The following APAF1 variants were observed in gnomAD, a reference collection of about 807,000 sequenced individuals.
APAF1 encodes the protein apoptotic peptidase activating factor 1.
In APAF1, 91 loss-of-function variants were observed where a neutral mutation model predicts 152.4. That is an observed-to-expected ratio of 0.60 (90% confidence interval 0.50 to 0.71). The LOEUF (loss-of-function observed/expected upper bound fraction) is 0.71. APAF1 is among the 30% of genes least tolerant of loss of function. APAF1 has a pLI of 0.00. For synonymous variants in APAF1, 484 were observed against 494.1 expected, an observed-to-expected ratio of 0.98 and a Z score of 0.27; for missense variants, 1,283 against 1,472.0, an observed-to-expected ratio of 0.87 and a Z score of 2.10.
intron 22 of APAF1, 55 bp downstream of exon 22, chr12:98,715,607 A>T (rs1288822889): frequency 1.3e-6 from 2 of 1,598,742 alleles, no homozygotes; most frequent in Non-Finnish European, 1.7e-6. Flanking sequence ...GCAAAGGAAC[A>T]CTATGATTAT....
At chr12:98,665,274 A>T (rs796867355) in intron 7 of APAF1, among the ~76,000 whole-genome samples, 96 of 107,512 alleles carry the variant, frequency 8.9e-4, no homozygotes, top group African/African-American at 3.1e-3. Context: ...ATATATATAT[A>T]TATATTTTTT....
In APAF1 at chr12:98,715,676, A is replaced by G. The variant is rs934572723; in HGVS notation, c.3084+124A>G. 2.4e-5 allele frequency: 27 copies of G among 1,124,712 alleles called. No individual in the cohort carries two copies. In the African/African-American group the frequency reaches 3.4e-4, roughly 14 times the overall value. The allele number at this position is 1,124,712 out of a possible 1,614,324, so 69.7% of individuals were successfully genotyped here. ...CGTTGGGCATACATTCAGATTATGT[A>G]CATGGGCTTAGATGAAACCTATGGG... On this transcript the variant is annotated intron_variant, in intron 22 of 26. Transcript: ENST00000551964.
chr12:98,702,471 A>T (rs901838967), intron 17 of APAF1, among the ~76,000 whole-genome samples: 1 of 152,176 alleles, frequency 6.6e-6, no homozygotes, highest in Non-Finnish European at 1.5e-5. Context: ...GTAAATAAAA[A>T]TCATCTTATT....
intron 4 of APAF1, among the ~76,000 whole-genome samples, chr12:98,650,179 C>G (rs2097647152): frequency 6.6e-6 from 1 of 152,136 alleles, no homozygotes; most frequent in African/African-American, 2.4e-5. Flanking sequence ...AAAGACAGTT[C>G]CCAACTTCTA....
chr12:98,662,801 G>A lies in APAF1; in HGVS notation c.950G>A (p.Cys317Tyr). The change falls in exon 7 of 27, where the codon TGT (cysteine) becomes TAT (tyrosine). Residue 317 changes from cysteine (C) to tyrosine (Y), a missense_variant. Coordinates refer to ENST00000551964, the MANE Select transcript of APAF1 (RefSeq NM_181861.2). ...PEQAHSIIKE[C>Y]KGSPLVVSLI... is the part of the protein sequence containing the mutation. ...CAAGCTCATAGTATTATAAAAGAAT[G>A]TAAAGGTATGGTTATTTATTTGTTT... 1 of 1,608,464 alleles carries A rather than the reference G, an allele frequency of 6.2e-7. No homozygotes were observed. Among genetic ancestry groups the A allele is most frequent in the Non-Finnish European group, 8.5e-7 (1 of 1,176,782 alleles).
At chr12:98,683,411 CAAA>C in intron 15 of APAF1, 137 bp downstream of exon 15, 1 of 738,432 alleles carries the variant, frequency 1.4e-6, no homozygotes, top group Non-Finnish European at 2.1e-6. Context: ...TTAGCTGAAG[CAAA>C]AAAAAAATAG....
intron 19 of APAF1, among the ~76,000 whole-genome samples, chr12:98,706,984 T>G (rs756690038): frequency 7.2e-5 from 11 of 152,194 alleles, no homozygotes; most frequent in Non-Finnish European, 1.5e-4. Context: ...ATCTCTACCT[T>G]TCCATTTCTG....
chr12:98,701,670 A>G (rs75126458), intron 17 of APAF1, among the ~76,000 whole-genome samples: 3,287 of 152,316 alleles, frequency 0.022, 55 homozygotes, highest in East Asian at 0.087. Context: ...ATAATTTTAT[A>G]TTGCATGAAA....
chr12:98,690,412 C>T (rs1424014155), intron 16 of APAF1, among the ~76,000 whole-genome samples: 3 of 152,130 alleles, frequency 2.0e-5, no homozygotes, highest in Non-Finnish European at 4.4e-5. Flanking sequence ...TCAGAATACC[C>T]GTGGATGGAT....
In APAF1 at chr12:98,666,332, C is replaced by G; in HGVS notation, c.1337C>G (p.Thr446Arg). 6.2e-7 allele frequency: 1 copy of G among 1,613,040 alleles called. No homozygotes were observed. Among genetic ancestry groups the G allele is most frequent in the Non-Finnish European group, 8.5e-7 (1 of 1,179,744 alleles). ...CATGATCTTCAAGTAGATTTTCTTA[C>G]AGAGAAGAATTGCAGCCAGCTTCAG... ...YLHDLQVDFLTEKNCSQLQDL... is the reference protein window; with the variant it reads ...YLHDLQVDFLREKNCSQLQDL... Residue 446 changes from threonine to arginine, a missense_variant, in exon 9 of 27, where the codon ACA (threonine) becomes AGA (arginine). Transcript: ENST00000551964.
Position 98,735,145 on chromosome 12 carries a change from G to A in APAF1, c.*2579G>A. 2.5e-6 allele frequency: 1 copy of A among 398,782 alleles called. No homozygotes were observed. Among genetic ancestry groups the A allele is most frequent in the Non-Finnish European group, 4.4e-6 (1 of 226,178 alleles). 24.7% of individuals were successfully genotyped at this position (398,782 alleles called of 1,614,324 possible). A position where few individuals can be genotyped will look rare whatever the true frequency, so the allele number is the denominator to read the frequency against. ...AAGAAGAGATACCTAGTATGATGGA[G>A]CTGCAAATTTCATGGCAGTTCATGC... is the stretch of plus-strand genomic sequence containing the variant. On this transcript the variant is annotated 3_prime_UTR_variant, in exon 27 of 27. Transcript: ENST00000551964.
At chr12:98,676,764 A>G (rs1336596772) in intron 12 of APAF1, among the ~76,000 whole-genome samples, 1 of 151,234 alleles carries the variant, frequency 6.6e-6, no homozygotes, top group Non-Finnish European at 1.5e-5. Flanking sequence ...CTCCTGCCTC[A>G]GCCTCCCAAG....
Position 98,723,745 on chromosome 12 carries a change from C to T in APAF1, c.3311C>T (p.Ser1104Phe). ...SHDATKFSST[S>F]ADKTAKIWSF... is the part of the protein sequence containing the mutation. ...GATGCTACCAAGTTTTCATCTACCT[C>T]TGCTGACAAGACTGCAAAGGTAGGT... is the stretch of plus-strand genomic sequence containing the variant. Residue 1104 changes from serine (S) to phenylalanine (F), a missense_variant, in exon 24 of 27, where the codon TCT (serine) becomes TTT (phenylalanine). Ser to Phe is a radical substitution (Grantham distance 155). Transcript: ENST00000551964. 4 of 1,613,734 alleles carry T rather than the reference C, an allele frequency of 2.5e-6. No individual in the cohort carries two copies. Among genetic ancestry groups the T allele is most frequent in the Non-Finnish European group, 3.4e-6 (4 of 1,179,866 alleles).
In APAF1 at chr12:98,673,442, CA is replaced by C. The variant is rs1162049645; in HGVS notation, c.1793+1737del. 4.9e-3 allele frequency among the ~76,000 whole-genome samples: 435 copies of C among 89,184 alleles called. 3 individuals carry two copies. The highest frequency in any genetic ancestry group is 0.014 in the African/African-American group (332 of 23,788). The allele number at this position is 89,184 out of a possible 152,430, so 58.5% of individuals were successfully genotyped here. A position where few individuals can be genotyped will look rare whatever the true frequency, so the allele number is the denominator to read the frequency against. ...CAAAGTGAAGCTCTGTCTCAAAAAA[CA>C]AAAAAAAAAAAAACAAAAAAAAAAC... On this transcript the variant is annotated intron_variant, in intron 12 of 26. Transcript: ENST00000551964.
Position 98,725,546 on chromosome 12 carries a change from CT to C in APAF1, c.3456+7del. 6.2e-7 allele frequency: 1 copy of C among 1,614,058 alleles called. No homozygotes were observed. The highest frequency in any genetic ancestry group is 8.5e-7 in the Non-Finnish European group (1 of 1,179,956). On this transcript the variant is annotated splice_region_variant and intron_variant, in intron 25 of 26. Transcript: ENST00000551964. ...ATGACAATGGAGAAATCAGGGTAGG[CT>C]GTTTGCTGACATGAGAGCACTGCTC...
chr12:98,701,836 C>A (rs954416840), intron 17 of APAF1, among the ~76,000 whole-genome samples: 18 of 152,302 alleles, frequency 1.2e-4, no homozygotes, highest in African/African-American at 4.1e-4. Context: ...CTATGTGAGT[C>A]TACTCCTATT....
rs530653497 is a variant in APAF1 at position 98,674,408 on chromosome 12, C to T, written c.1793+2689C>T. On this transcript the variant is annotated intron_variant, in intron 12 of 26. Transcript: ENST00000551964. ...CTACCTTCCCACTTTCCAGAGTTGA[C>T]CATTCCTTAATACTTTCTTGTGAAG... is the stretch of plus-strand genomic sequence containing the variant. Among the ~76,000 whole-genome samples the T allele has an allele frequency of 9.9e-5, 15 of 152,188 alleles. No individual in the cohort carries two copies. In the East Asian group the frequency reaches 2.9e-3, roughly 29 times the overall value.
chr12:98,649,496 T>A lies in APAF1; in HGVS notation c.338T>A (p.Val113Asp). ...TTGTTTTGGATTTTAGTAAGGACAG[T>A]CCTGTGTGAAGGTGGAGTACCACAG... ...VSGITSYVRT[V>D]LCEGGVPQRP... is the part of the protein sequence containing the mutation. Residue 113 changes from valine (V) to aspartate (D), a missense_variant, in exon 4 of 27, where the codon GTC becomes GAC. Coordinates refer to ENST00000551964, the MANE Select transcript of APAF1 (RefSeq NM_181861.2). 1 of 1,614,156 alleles carries A rather than the reference T, an allele frequency of 6.2e-7. No individual in the cohort carries two copies. Among genetic ancestry groups the A allele is most frequent in the Non-Finnish European group, 8.5e-7 (1 of 1,179,966 alleles).
intron 14 of APAF1, among the ~76,000 whole-genome samples, chr12:98,682,279 T>C (rs1030634279): frequency 5.3e-5 from 8 of 151,816 alleles, no homozygotes; most frequent in Non-Finnish European, 1.2e-4. Flanking sequence ...GGTGTTGATC[T>C]CCTGACCTCG....
Sources: allele counts gnomAD v4.1 joint callset (sites outside exome capture counted in the v4.1 genomes callset), GRCh38; gene constraint gnomAD v4.1.1; transcripts MANE v1.5; gene names NCBI Gene and HGNC (gene_info 2026-07-23, HGNC 2026-07-21).